SLC49A4: variants seen among roughly 807,000 people sequenced by gnomAD.
The protein encoded by SLC49A4 is disrupted in renal cancer protein 2.
Under a neutral mutation model 50.6 loss-of-function variants are expected in SLC49A4, and 36 were observed. The ratio of observed to expected loss-of-function variants is 0.71; its 90% CI spans 0.55 to 0.94. The LOEUF (loss-of-function observed/expected upper bound fraction) is 0.94. SLC49A4 is among the 40% of genes least tolerant of loss of function. The pLI is 0.00. For missense variants in SLC49A4, 503 were observed against 605.7 expected, an observed-to-expected ratio of 0.83 and a Z score of 1.78; for synonymous variants, 248 against 241.2, an observed-to-expected ratio of 1.03 and a Z score of -0.26.
chr3:122,844,976 A>G (rs868424969), intron 4 of SLC49A4, among the ~76,000 whole-genome samples: 1 of 151,986 alleles, frequency 6.6e-6, no homozygotes, highest in African/African-American at 2.4e-5. Context: ...ATATTTTTTA[A>G]CTTTTAGGCT....
Position 122,795,192 on chromosome 3 carries a change from C to T in SLC49A4, c.-1C>T. On this transcript the variant is annotated 5_prime_UTR_variant, in exon 1 of 9. Coordinates refer to ENST00000261038, the MANE Select transcript of SLC49A4 (RefSeq NM_032839.3). ...AGTGGCTTCGCGGGCGACGCGTCGCCATGGGCTCTCGCTGGAGCAGCGAAG... is the reference window on the plus strand; with the variant it reads ...AGTGGCTTCGCGGGCGACGCGTCGCTATGGGCTCTCGCTGGAGCAGCGAAG... 7.6e-7 allele frequency: 1 copy of T among 1,320,564 alleles called. No individual in the cohort carries two copies. The highest frequency in any genetic ancestry group is 1.5e-5 in the African/African-American group (1 of 64,700). The allele number at this position is 1,320,564 out of a possible 1,614,324, so 81.8% of individuals were successfully genotyped here.
At chr3:122,807,808 A>G (rs960071291) in intron 2 of SLC49A4, among the ~76,000 whole-genome samples, 2 of 152,194 alleles carry the variant, frequency 1.3e-5, no homozygotes, top group African/African-American at 2.4e-5. Context: ...TTAGAAGGTT[A>G]TATTTTGATT....
At chr3:122,829,293 T>C (rs1196515220) in intron 3 of SLC49A4, among the ~76,000 whole-genome samples, 2 of 152,210 alleles carry the variant, frequency 1.3e-5, no homozygotes, top group Admixed American at 6.5e-5. Context: ...CAAAACTCAA[T>C]TTATGGAATG....
At chr3:122,837,139 A>G (rs981598581) in intron 4 of SLC49A4, among the ~76,000 whole-genome samples, 5 of 152,336 alleles carry the variant, frequency 3.3e-5, no homozygotes, top group South Asian at 2.1e-4. Flanking sequence ...ATGCTGCCCA[A>G]GGTAATTTAT....
intron 7 of SLC49A4, among the ~76,000 whole-genome samples, chr3:122,862,879 A>G (rs1243556568): frequency 6.6e-6 from 1 of 152,162 alleles, no homozygotes; most frequent in Admixed American, 6.5e-5. Context: ...TTGTATGAGC[A>G]TGTTTTAATT....
At chr3:122,868,182 G>A (rs930558421) in intron 7 of SLC49A4, among the ~76,000 whole-genome samples, 10 of 151,820 alleles carry the variant, frequency 6.6e-5, no homozygotes, top group Admixed American at 3.3e-4. Flanking sequence ...GGTTTTTTAC[G>A]GGCACAAGGG....
intron 8 of SLC49A4, among the ~76,000 whole-genome samples, chr3:122,875,024 A>G (rs1406703019): frequency 6.6e-6 from 1 of 152,242 alleles, no homozygotes. Flanking sequence ...TAAAGTTACT[A>G]GAACCATGAA....
chr3:122,856,288 T>A lies in SLC49A4; in HGVS notation c.943-19T>A. 2 of 1,613,368 alleles carry A rather than the reference T, an allele frequency of 1.2e-6. No homozygotes were observed. Among genetic ancestry groups the A allele is most frequent in the East Asian group, 4.5e-5 (2 of 44,852 alleles). ...GTATGATTGTCTTGTATTAAATGTG[T>A]CTGCTTCTTTCTTAACAGGTAGATG... is the stretch of plus-strand genomic sequence containing the variant. On this transcript the variant is annotated intron_variant, in intron 5 of 8. Coordinates refer to ENST00000261038, the MANE Select transcript of SLC49A4 (RefSeq NM_032839.3).
At chr3:122,841,470 A>G (rs918729685) in intron 4 of SLC49A4, among the ~76,000 whole-genome samples, 1 of 152,242 alleles carries the variant, frequency 6.6e-6, no homozygotes, top group East Asian at 1.9e-4. Context: ...GAGACAACAC[A>G]TGCCCCAGCA....
At chr3:122,852,347 AT>A (rs1238859454) in intron 5 of SLC49A4, among the ~76,000 whole-genome samples, 1 of 151,660 alleles carries the variant, frequency 6.6e-6, no homozygotes, top group Non-Finnish European at 1.5e-5. Flanking sequence ...TTGATATCTT[AT>A]TTTTTTCTCT....
chr3:122,806,603 T>C (rs542544403), intron 1 of SLC49A4, among the ~76,000 whole-genome samples: 1 of 152,210 alleles, frequency 6.6e-6, no homozygotes, highest in South Asian at 2.1e-4. Context: ...CTCAAACTCC[T>C]GAGCTCAGGT....
intron 3 of SLC49A4, among the ~76,000 whole-genome samples, chr3:122,829,223 C>T (rs79178761): frequency 4.6e-5 from 7 of 152,250 alleles, no homozygotes; most frequent in Non-Finnish European, 8.8e-5. Flanking sequence ...TATCATAAAA[C>T]GGATGATATA....
At chr3:122,869,346 CT>C (rs1328510072) in intron 7 of SLC49A4, among the ~76,000 whole-genome samples, 3 of 152,062 alleles carry the variant, frequency 2.0e-5, no homozygotes, top group African/African-American at 7.2e-5. Flanking sequence ...ATATAACATA[CT>C]TTTCAGCACC....
intron 2 of SLC49A4, among the ~76,000 whole-genome samples, chr3:122,820,566 A>G (rs189854986): frequency 6.6e-6 from 1 of 152,386 alleles, no homozygotes; most frequent in East Asian, 1.9e-4. Context: ...AATGTCAACT[A>G]CATTAGAAGA....
At chr3:122,824,783 A>G (rs536129940) in intron 2 of SLC49A4, among the ~76,000 whole-genome samples, 1 of 117,434 alleles carries the variant, frequency 8.5e-6, no homozygotes, top group African/African-American at 3.4e-5. Context: ...CCCAGGCTGT[A>G]GTGCAGTGGC....
Position 122,795,160 on chromosome 3 carries a change from G to T in SLC49A4, c.-33G>T. On this transcript the variant is annotated 5_prime_UTR_variant, in exon 1 of 9. Coordinates refer to ENST00000261038, the MANE Select transcript of SLC49A4 (RefSeq NM_032839.3). ...GCTAGTCGGCGGTGACCCGGACTGC[G>T]CCCGGCAGTGGCTTCGCGGGCGACG... is the stretch of plus-strand genomic sequence containing the variant. 1 of 1,311,506 alleles carries T rather than the reference G, an allele frequency of 7.6e-7. No individual in the cohort carries two copies. Among genetic ancestry groups the T allele is most frequent in the Non-Finnish European group, 9.6e-7 (1 of 1,039,378 alleles). The allele number at this position is 1,311,506 out of a possible 1,614,324, so 81.2% of individuals were successfully genotyped here.
chr3:122,856,107 T>C (rs2107578073), intron 5 of SLC49A4, among the ~76,000 whole-genome samples, 200 bp from the exon 6 acceptor site: 1 of 152,368 alleles, frequency 6.6e-6, no homozygotes. Flanking sequence ...TTTGATGACG[T>C]TGATTATTTT....
intron 5 of SLC49A4, among the ~76,000 whole-genome samples, chr3:122,853,670 G>A (rs1936951864): frequency 6.6e-6 from 1 of 152,150 alleles, no homozygotes; most frequent in African/African-American, 2.4e-5. Flanking sequence ...TGAGATGAGA[G>A]GATCACTTGA....
Position 122,856,312 on chromosome 3 carries a change from T to A in SLC49A4, c.948T>A (p.Asp316Glu), listed in dbSNP as rs1329201247. ...GTCTGCTTCTTTCTTAACAGGTAGA[T>A]GCTGGCTGGATTGGATTTTGGTCCA... ...ILTPAHVSQVDAGWIGFWSIV... is the reference protein window; with the variant it reads ...ILTPAHVSQVEAGWIGFWSIV... The change falls in exon 6 of 9, where the codon GAT becomes GAA. Residue 316 changes from aspartate to glutamate, a missense_variant. Physicochemically the swap from Asp to Glu is conservative, Grantham distance 45 (BLOSUM62 2). Coordinates refer to ENST00000261038, the MANE Select transcript of SLC49A4 (RefSeq NM_032839.3). The A allele has an allele frequency of 6.2e-7, 1 of 1,614,098 alleles. No homozygotes were observed. Among genetic ancestry groups the A allele is most frequent in the Non-Finnish European group, 8.5e-7 (1 of 1,179,954 alleles).
Sources: allele counts gnomAD v4.1 joint callset (sites outside exome capture counted in the v4.1 genomes callset), GRCh38; gene constraint gnomAD v4.1.1; transcripts MANE v1.5; gene names NCBI Gene and HGNC (gene_info 2026-07-23, HGNC 2026-07-21).